The following RBFOX1 variants were observed in gnomAD, a reference collection of about 807,000 sequenced individuals.
The protein encoded by RBFOX1 is RNA binding fox-1 homolog 1.
RBFOX1 carries 8 observed loss-of-function variants against 57.7 expected under a neutral mutation model. The observed-to-expected ratio is 0.14, with a 90% CI of 0.08 to 0.25. RBFOX1 has a LOEUF of 0.25. RBFOX1 is among the 10% of genes least tolerant of loss of function. RBFOX1 has a pLI of 1.00. For missense variants in RBFOX1, 611 were observed against 548.5 expected, an observed-to-expected ratio of 1.11 and a Z score of -1.14; for synonymous variants, 326 against 222.4, an observed-to-expected ratio of 1.47 and a Z score of -4.15.
chr16:7,595,613 G>A lies in RBFOX1; in HGVS notation c.533G>A (p.Gly178Asp), dbSNP rs752824275. 1.3e-6 allele frequency: 2 copies of A among 1,575,414 alleles called. No individual in the cohort carries two copies. The highest frequency in any genetic ancestry group is 1.7e-6 in the Non-Finnish European group (2 of 1,158,696). ...GACAGGGCGAGGGAGAAATTACACG[G>A]CACCGTGGTAGAGGGCCGTAAAATC... The part of the protein sequence containing the change: ...DADRAREKLH[G>D]TVVEGRKIEV... Residue 178 changes from glycine to aspartate, a missense_variant, in exon 8 of 16, where the codon GGC becomes GAC. Around this residue, in one of 3 missense-constraint regions of RBFOX1, gnomAD observed 99 missense variants for 160.3 expected, o/e 0.62. Transcript: ENST00000550418.
chr16:6,803,502 C>G (rs1303219641), intron 3 of RBFOX1, among the ~76,000 whole-genome samples: 2 of 152,140 alleles, frequency 1.3e-5, no homozygotes, highest in African/African-American at 2.4e-5. Context: ...CCAGTGCAAT[C>G]TGTGTATAAT....
chr16:7,387,821 C>T (rs1200350963), intron 4 of RBFOX1, among the ~76,000 whole-genome samples: 1 of 151,970 alleles, frequency 6.6e-6, no homozygotes, highest in East Asian at 1.9e-4. Context: ...AGGGCTTCGC[C>T]ATCAGTTTAA....
chr16:6,032,105 T>C (rs1439716595), intron 1 of RBFOX1, among the ~76,000 whole-genome samples: 1 of 152,114 alleles, frequency 6.6e-6, no homozygotes, highest in Non-Finnish European at 1.5e-5. Context: ...GCCTCTTTCT[T>C]AAAGGTTCTG....
rs141149518 is a variant in RBFOX1, at chr16:6,517,824, T to A, written c.-63-136779T>A. Reference sequence around the variant, plus strand: ...TTTTCTTCCATTCGTTATTTTATTTTCCAATTCTTAAAAGTACATAACCAG... The same window carrying A: ...TTTTCTTCCATTCGTTATTTTATTTACCAATTCTTAAAAGTACATAACCAG... On this transcript the variant is annotated intron_variant, in intron 2 of 15. Transcript: ENST00000550418. Among the ~76,000 whole-genome samples, 601 of 152,328 alleles carry A rather than the reference T, an allele frequency of 3.9e-3. 15 individuals carry two copies. The highest frequency in any genetic ancestry group is 0.033 in the Admixed American group (509 of 15,284).
chr16:7,143,672 C>T (rs2074311420), intron 4 of RBFOX1, among the ~76,000 whole-genome samples: 2 of 152,094 alleles, frequency 1.3e-5, no homozygotes, highest in Admixed American at 1.3e-4. Flanking sequence ...CAGCTCTCTG[C>T]AGATACGATC....
At chr16:5,867,903 G>T (rs1191162216) in intron 4 of RBFOX1, among the ~76,000 whole-genome samples, 1 of 151,960 alleles carries the variant, frequency 6.6e-6, no homozygotes, top group Non-Finnish European at 1.5e-5. Context: ...GTAGAGACAG[G>T]GTTTCACCAT....
rs138109887 is a variant in RBFOX1, at chr16:5,391,869, A to G, written c.220-75347A>G. 1.5e-3 allele frequency among the ~76,000 whole-genome samples: 217 copies of G among 145,998 alleles called. 3 individuals carry two copies. Among genetic ancestry groups the G allele is most frequent in the African/African-American group, 5.2e-3 (202 of 38,968 alleles). ...TATAAAGAAATGAGTGGATAAAGAA[A>G]CTATGGTGTGTGTGTGTGTATACAC... On this transcript the variant is annotated intron_variant, in intron 1 of 2. Coordinates refer to the RBFOX1 transcript ENST00000585867.
rs190169733 is a variant in RBFOX1 at position 7,018,512 on chromosome 16, A to G, written c.-15-33545A>G. Reference sequence around the variant, plus strand: ...TTTGGATTGGTTCCATGTCTTTGCTATTGTGATTAGTGCCGCAGTAAACAT... The same window carrying G: ...TTTGGATTGGTTCCATGTCTTTGCTGTTGTGATTAGTGCCGCAGTAAACAT... On this transcript the variant is annotated intron_variant, in intron 3 of 15. Coordinates refer to ENST00000550418, the MANE Select transcript of RBFOX1 (RefSeq NM_018723.4). 1.4e-4 allele frequency among the ~76,000 whole-genome samples: 22 copies of G among 152,258 alleles called. No individual in the cohort carries two copies. The East Asian group carries it at 3.7e-3, about 25-fold the overall frequency.
intron 4 of RBFOX1, among the ~76,000 whole-genome samples, chr16:7,396,910 C>A (rs996332628): frequency 6.6e-6 from 1 of 151,988 alleles, no homozygotes; most frequent in Admixed American, 6.6e-5. Flanking sequence ...CACTGCACTC[C>A]GGCCTGGGCT....
Position 6,101,849 on chromosome 16 carries a change from G to A in RBFOX1, c.-127+81857G>A, listed in dbSNP as rs74004736. 1.2e-3 allele frequency among the ~76,000 whole-genome samples: 178 copies of A among 152,258 alleles called. No individual in the cohort carries two copies. The Middle Eastern group carries it at 0.02, about 17-fold the overall frequency. On this transcript the variant is annotated intron_variant, in intron 1 of 15. Transcript: ENST00000550418. ...ACAGCTGCCCTTGCCCTCATCTGCC[G>A]GGGCAGCTGTAGTGGGAATCTGTGG...
intron 3 of RBFOX1, among the ~76,000 whole-genome samples, chr16:6,802,567 C>G (rs375403038): frequency 1.3e-5 from 2 of 152,110 alleles, no homozygotes; most frequent in Non-Finnish European, 2.9e-5. Context: ...ATCCCAGATA[C>G]TTGGGAGGGT....
chr16:7,281,337 G>T (rs1020787850), intron 4 of RBFOX1, among the ~76,000 whole-genome samples: 3 of 151,538 alleles, frequency 2.0e-5, no homozygotes, highest in African/African-American at 4.9e-5. Context: ...TTCTGCTTGG[G>T]GGGTAGTTTA....
At position 5,321,918 on chromosome 16, in the gene RBFOX1, G is replaced by A. The variant is rs547870085; in HGVS notation, c.219+81813G>A. Among the ~76,000 whole-genome samples the A allele has an allele frequency of 2.0e-5, 3 of 152,264 alleles. No homozygotes were observed. The South Asian group carries it at 6.2e-4, about 32-fold the overall frequency. ...TTGCTGCACGGCCTTACGGGGCACT[G>A]ATTGCTCATTGCTCTCTTGCTACCC... On this transcript the variant is annotated intron_variant, in intron 1 of 2. Transcript: ENST00000585867.
chr16:5,506,558 G>A (rs370099807), intron 2 of RBFOX1, among the ~76,000 whole-genome samples: 6 of 152,156 alleles, frequency 3.9e-5, no homozygotes, highest in African/African-American at 1.4e-4. Flanking sequence ...CACTGCTCTG[G>A]AGGTGCAGCC....
chr16:5,594,260 A>G (rs1462900841), intron 2 of RBFOX1, among the ~76,000 whole-genome samples: 1 of 152,184 alleles, frequency 6.6e-6, no homozygotes, highest in Non-Finnish European at 1.5e-5. Flanking sequence ...CTATAGATAC[A>G]AAGATTGATA....
At chr16:7,269,663 A>G (rs1180749059) in intron 4 of RBFOX1, among the ~76,000 whole-genome samples, 1 of 152,216 alleles carries the variant, frequency 6.6e-6, no homozygotes, top group African/African-American at 2.4e-5. Context: ...TTGTTATTGA[A>G]GAAATTTTTT....
chr16:5,434,601 G>A (rs1037528921), intron 1 of RBFOX1, among the ~76,000 whole-genome samples: 3 of 152,096 alleles, frequency 2.0e-5, no homozygotes, highest in Admixed American at 6.6e-5. Context: ...TTACAGGCAA[G>A]AGCCACCATG....
At chr16:6,900,638 A>T (rs2068237745) in intron 3 of RBFOX1, among the ~76,000 whole-genome samples, 1 of 152,132 alleles carries the variant, frequency 6.6e-6, no homozygotes, top group Non-Finnish European at 1.5e-5. Context: ...CTCTGCCTGG[A>T]ATTCTACCCT....
chr16:6,222,640 GTGAT>G (rs2097383150), intron 1 of RBFOX1, among the ~76,000 whole-genome samples: 1 of 1,132 alleles, frequency 8.8e-4, no homozygotes, highest in Non-Finnish European at 5.4e-3. Context: ...CTGTGATTCA[GTGAT>G]TCAGTAGGTC....
Sources: allele counts gnomAD v4.1 joint callset (sites outside exome capture counted in the v4.1 genomes callset), GRCh38; gene constraint gnomAD v4.1.1; regional missense constraint gnomAD v4.1.1; transcripts MANE v1.5; gene names NCBI Gene and HGNC (gene_info 2026-07-23, HGNC 2026-07-21).